Variants in SAMD5 observed in about 807,000 individuals in gnomAD.
SAMD5 encodes sterile alpha motif domain containing 5, also known as sterile alpha motif domain-containing protein 5.
In SAMD5, 13 loss-of-function variants were observed where a neutral mutation model predicts 11.3. The ratio of observed to expected loss-of-function variants is 1.15; its 90% CI spans 0.75 to 1.83. The LOEUF (loss-of-function observed/expected upper bound fraction) is 1.83. Among genes scored for constraint, SAMD5 ranks in the 40% most tolerant of loss-of-function variants. SAMD5 has a pLI of 0.00. For missense variants in SAMD5, 255 were observed against 239.1 expected, an observed-to-expected ratio of 1.07 and a Z score of -0.44; for synonymous variants, 129 against 111.3, an observed-to-expected ratio of 1.16 and a Z score of -1.00.
chr6:147,771,790 A>G, the SAMD5 span, among the ~76,000 whole-genome samples: 1 of 152,316 alleles, frequency 6.6e-6, no homozygotes, highest in East Asian at 1.9e-4. Flanking sequence ...TGGAGTGTCT[A>G]CTGCAAACAT....
the SAMD5 span, among the ~76,000 whole-genome samples, chr6:147,762,094 GCTACAATA>G: frequency 6.6e-6 from 1 of 152,140 alleles, no homozygotes; most frequent in Non-Finnish European, 1.5e-5. Flanking sequence ...CTTAACTGTA[GCTACAATA>G]CAATATTCAG....
intron 1 of SAMD5, among the ~76,000 whole-genome samples, chr6:147,590,281 G>A (rs911020087): frequency 6.6e-6 from 1 of 152,112 alleles, no homozygotes; most frequent in African/African-American, 2.4e-5. Context: ...CTCCACAAAG[G>A]AACTAGGAGT....
the SAMD5 span, among the ~76,000 whole-genome samples, chr6:147,877,870 A>ACACACACACC: frequency 7.3e-6 from 1 of 136,212 alleles, no homozygotes; most frequent in Non-Finnish European, 1.5e-5. Context: ...ACACACACAC[A>ACACACACACC]CACACACACA....
rs9386192 is a variant in SAMD5, at chr6:147,685,273, T to C, written c.163-52044T>C. ...GTGCAATGGTGCGATCTCGGCTCGC[T>C]GCAACCTCCACCTCCCAGGTTCAAG... On this transcript the variant is annotated intron_variant, in intron 1 of 1. Transcript: ENST00000566741. Among the ~76,000 whole-genome samples, 631 of 152,318 alleles carry C rather than the reference T, an allele frequency of 4.1e-3. 18 individuals are homozygous for C. In the East Asian group the frequency reaches 0.073, roughly 18 times the overall value.
downstream of SAMD5, among the ~76,000 whole-genome samples, chr6:147,572,381 C>T (rs1054470413): frequency 3.3e-5 from 5 of 152,080 alleles, no homozygotes; most frequent in African/African-American, 1.2e-4. Flanking sequence ...ACCATAAATG[C>T]AAATAAAATT....
the SAMD5 span, among the ~76,000 whole-genome samples, chr6:147,863,209 A>G: frequency 6.6e-6 from 1 of 152,180 alleles, no homozygotes; most frequent in Non-Finnish European, 1.5e-5. Context: ...GAGACTGGGC[A>G]TCTTTACAGT....
the SAMD5 span, among the ~76,000 whole-genome samples, chr6:147,934,454 G>T: frequency 4.6e-5 from 7 of 152,124 alleles, no homozygotes; most frequent in Non-Finnish European, 8.8e-5. Context: ...CCCCTGACTA[G>T]GTCAGGTGTG....
chr6:147,678,840 C>T (rs1790901101), intron 1 of SAMD5, among the ~76,000 whole-genome samples: 1 of 152,090 alleles, frequency 6.6e-6, no homozygotes, highest in Admixed American at 6.5e-5. Flanking sequence ...TGCACATATT[C>T]CAAGTGTACA....
In SAMD5 at chr6:147,567,610, T is replaced by A. The variant is rs1789063177; in HGVS notation, c.*3154T>A. The A allele has an allele frequency of 1.0e-6, 1 of 971,782 alleles. No individual in the cohort carries two copies. Among genetic ancestry groups the A allele is most frequent in the Non-Finnish European group, 1.2e-6 (1 of 817,734 alleles). The allele number at this position is 971,782 out of a possible 1,614,324, so 60.2% of individuals were successfully genotyped here. Reference sequence around the variant, plus strand: ...CTTACACCCACATACAGTCCTTGGCTCAGTGCTAGGCATGTAGCAGGTGCT... The same window carrying A: ...CTTACACCCACATACAGTCCTTGGCACAGTGCTAGGCATGTAGCAGGTGCT... On this transcript the variant is annotated 3_prime_UTR_variant, in exon 2 of 2. Coordinates refer to ENST00000367474, the MANE Select transcript of SAMD5 (RefSeq NM_001030060.3).
the SAMD5 span, among the ~76,000 whole-genome samples, chr6:147,756,668 G>A: frequency 2.0e-5 from 3 of 152,192 alleles, no homozygotes; most frequent in South Asian, 2.1e-4. Context: ...TAGAGAAGGC[G>A]AGACTGAATT....
chr6:147,927,752 A>C, the SAMD5 span, among the ~76,000 whole-genome samples: 1 of 152,178 alleles, frequency 6.6e-6, no homozygotes, highest in African/African-American at 2.4e-5. Context: ...CCAGTTTGCA[A>C]GGGGAATGCT....
At chr6:147,802,943 G>T in the SAMD5 span, among the ~76,000 whole-genome samples, 3 of 152,228 alleles carry the variant, frequency 2.0e-5, no homozygotes, top group East Asian at 5.8e-4. Context: ...GGGTGTTTAT[G>T]TGTTGACTGG....
the SAMD5 span, among the ~76,000 whole-genome samples, chr6:147,833,026 T>C: frequency 6.6e-6 from 1 of 152,220 alleles, no homozygotes; most frequent in Admixed American, 6.5e-5. Flanking sequence ...CTTAATAAAA[T>C]AGCAATTTAA....
intron 1 of SAMD5, among the ~76,000 whole-genome samples, chr6:147,595,988 T>C (rs1789526310): frequency 6.6e-6 from 1 of 152,284 alleles, no homozygotes; most frequent in South Asian, 2.1e-4. Context: ...TTTAGCAGCA[T>C]AGATTGTGCT....
chr6:147,944,824 C>T, the SAMD5 span, among the ~76,000 whole-genome samples: 2 of 152,198 alleles, frequency 1.3e-5, no homozygotes, highest in African/African-American at 4.8e-5. Context: ...CTTCTGAGCA[C>T]TCTGAGGAAG....
chr6:147,885,797 T>C, the SAMD5 span, among the ~76,000 whole-genome samples: 61 of 152,320 alleles, frequency 4.0e-4, 3 homozygotes, highest in South Asian at 0.012. Context: ...TCATGGTGAT[T>C]ATACAGCAGC....
At chr6:147,722,217 T>C (rs1470475439) in intron 1 of SAMD5, among the ~76,000 whole-genome samples, 1 of 152,088 alleles carries the variant, frequency 6.6e-6, no homozygotes, top group East Asian at 1.9e-4. Context: ...AGCTTATGAA[T>C]GAGCTCAATG....
At chr6:147,695,895 ACTT>A (rs1396067044) in intron 1 of SAMD5, among the ~76,000 whole-genome samples, 2 of 152,222 alleles carry the variant, frequency 1.3e-5, no homozygotes, top group East Asian at 1.9e-4. Context: ...AACAGAGAAA[ACTT>A]CTTCTTCCCC....
At chr6:147,926,982 C>A in the SAMD5 span, among the ~76,000 whole-genome samples, 13 of 151,652 alleles carry the variant, frequency 8.6e-5, no homozygotes, top group African/African-American at 3.1e-4. Context: ...TGGTCATAGG[C>A]GACCTTATTT....
Sources: gnomAD v4.1 joint callset for allele counts (sites outside exome capture counted in the v4.1 genomes callset) on GRCh38, gnomAD v4.1.1 for gene constraint, MANE v1.5 for transcripts, NCBI Gene and HGNC (gene_info 2026-07-23, HGNC 2026-07-21) for gene names.